Variants in SMARCC1 observed in about 807,000 individuals in gnomAD.
SMARCC1 encodes the protein SWI/SNF complex subunit SMARCC1.
Under a neutral mutation model 147.4 loss-of-function variants are expected in SMARCC1, and 43 were observed. The observed-to-expected ratio is 0.29, with a 90% CI of 0.23 to 0.38. The LOEUF (loss-of-function observed/expected upper bound fraction) is 0.38, where lower values mean the gene tolerates loss of function less well. SMARCC1 is among the 10% of genes least tolerant of loss of function. The pLI, the probability that SMARCC1 is intolerant of heterozygous loss-of-function variation, is 1.00. For missense variants in SMARCC1, 1,119 were observed against 1,381.1 expected (o/e 0.81, Z 3.01); for synonymous variants, 495 against 484.4 (o/e 1.02, Z -0.29).
chr3:47,614,856 G>A (rs1405411705), intron 25 of SMARCC1, among the ~76,000 whole-genome samples: 1 of 152,144 alleles, frequency 6.6e-6, no homozygotes, highest in Non-Finnish European at 1.5e-5. Flanking sequence ...AAGCAAAAAG[G>A]CCTCTGGACT....
chr3:47,694,169 T>G (rs375287769), intron 11 of SMARCC1, among the ~76,000 whole-genome samples: 2 of 152,238 alleles, frequency 1.3e-5, no homozygotes, highest in East Asian at 1.9e-4. Context: ...CCTACACTGA[T>G]GGAAACCATG....
At position 47,696,196 on chromosome 3, in the gene SMARCC1, C is replaced by A. The variant is rs565312292; in HGVS notation, c.1166-2896G>T. ...GACCAGCCTGGCCAATATGGCAAAA[C>A]CCCATCTCTACTAAAAATACAAAAA... On this transcript the variant is annotated intron_variant, in intron 11 of 27. Transcript: ENST00000254480. 5.3e-5 allele frequency among the ~76,000 whole-genome samples: 8 copies of A among 151,596 alleles called. No individual in the cohort carries two copies. The South Asian group carries it at 1.7e-3, about 32-fold the overall frequency.
At chr3:47,758,726 T>G (rs13319205) in intron 2 of SMARCC1, among the ~76,000 whole-genome samples, 1 of 151,896 alleles carries the variant, frequency 6.6e-6, no homozygotes, top group African/African-American at 2.4e-5. Context: ...TTAATTAATT[T>G]ATTTATTTAT....
chr3:47,737,426 T>C (rs1233433995), intron 4 of SMARCC1, among the ~76,000 whole-genome samples: 1 of 151,672 alleles, frequency 6.6e-6, no homozygotes, highest in African/African-American at 2.4e-5. Flanking sequence ...AATAATAAAA[T>C]AAAGACAACT....
intron 5 of SMARCC1, among the ~76,000 whole-genome samples, chr3:47,734,764 G>A (rs2034420107): frequency 6.6e-6 from 1 of 152,114 alleles, no homozygotes; most frequent in African/African-American, 2.4e-5. Flanking sequence ...GCAAGCTTGA[G>A]GGGGCAGAAT....
intron 19 of SMARCC1, chr3:47,664,042 C>G (rs1025072715): frequency 1.7e-6 from 1 of 597,250 alleles, no homozygotes; most frequent in Non-Finnish European, 2.8e-6. Context: ...GAGGCCCATG[C>G]GTCGTTGGGG....
chr3:47,677,393 G>A (rs1456591765), intron 16 of SMARCC1, among the ~76,000 whole-genome samples: 3 of 137,234 alleles, frequency 2.2e-5, no homozygotes, highest in Admixed American at 7.8e-5. Flanking sequence ...GAGCCACCAT[G>A]CCTGGCCGTT....
At chr3:47,738,176 T>C in intron 3 of SMARCC1, 66 bp from the exon 4 acceptor site, 1 of 1,018,264 alleles carries the variant, frequency 9.8e-7, no homozygotes, top group Admixed American at 2.8e-5. Flanking sequence ...AACTTGGTTT[T>C]AGAATTCGAT....
intron 11 of SMARCC1, among the ~76,000 whole-genome samples, chr3:47,696,961 C>A (rs937489288): frequency 3.9e-5 from 6 of 152,152 alleles, no homozygotes; most frequent in Non-Finnish European, 5.9e-5. Flanking sequence ...CCTTGGTTTC[C>A]AGCAATCCTC....
intron 21 of SMARCC1, among the ~76,000 whole-genome samples, chr3:47,647,727 C>T (rs1245588962): frequency 2.0e-5 from 3 of 152,304 alleles, no homozygotes; most frequent in Admixed American, 6.5e-5. Flanking sequence ...AGACTAATCA[C>T]GTCATTCCCT....
chr3:47,718,337 C>T (rs1317250658), intron 7 of SMARCC1, among the ~76,000 whole-genome samples: 1 of 151,612 alleles, frequency 6.6e-6, no homozygotes, highest in African/African-American at 2.4e-5. Context: ...CCCAGCTACT[C>T]AGGAGGCTAA....
At chr3:47,684,906 C>T (rs1187983123) in intron 14 of SMARCC1, among the ~76,000 whole-genome samples, 1 of 152,042 alleles carries the variant, frequency 6.6e-6, no homozygotes, top group Non-Finnish European at 1.5e-5. Flanking sequence ...AAATTAGACA[C>T]AGGACTAGAT....
At chr3:47,753,917 C>T (rs1468821466) in intron 2 of SMARCC1, among the ~76,000 whole-genome samples, 3 of 152,080 alleles carry the variant, frequency 2.0e-5, no homozygotes. Flanking sequence ...GTCATCCTCA[C>T]ACCTTGAAAA....
In SMARCC1 at chr3:47,662,336, A is replaced by G; in HGVS notation, c.2156T>C (p.Leu719Ser). ...AGATGGTTTAGGGAAGTCCATACCC[A>G]AAGCCGCTTTTGCTGCAGCAGATGC... is the stretch of plus-strand genomic sequence containing the variant. ...RVASAAAKAA[L>S]EEFSRVREEV... The change falls in exon 20 of 28, where the codon TTG (leucine) becomes TCG (serine). Residue 719 changes from leucine to serine, a missense_variant and splice_region_variant. By Grantham distance (145) the Leu-to-Ser change is moderately radical. Coordinates refer to ENST00000254480, the MANE Select transcript of SMARCC1 (RefSeq NM_003074.4). 6.2e-7 allele frequency: 1 copy of G among 1,613,904 alleles called. No homozygotes were observed. The highest frequency in any genetic ancestry group is 2.2e-5 in the East Asian group (1 of 44,886).
chr3:47,609,616 A>G (rs1009372143), intron 26 of SMARCC1, among the ~76,000 whole-genome samples: 1 of 152,226 alleles, frequency 6.6e-6, no homozygotes, highest in Non-Finnish European at 1.5e-5. Flanking sequence ...AAGCTGTCCA[A>G]TAGGTACATG....
At chr3:47,657,528 T>C (rs1363353829) in intron 21 of SMARCC1, among the ~76,000 whole-genome samples, 1 of 152,180 alleles carries the variant, frequency 6.6e-6, no homozygotes, top group East Asian at 1.9e-4. Context: ...CTGGGCTCAG[T>C]GGCTCACGCC....
At chr3:47,633,591 A>G (rs1328041677) in intron 24 of SMARCC1, among the ~76,000 whole-genome samples, 1 of 151,308 alleles carries the variant, frequency 6.6e-6, no homozygotes, top group African/African-American at 2.4e-5. Flanking sequence ...TAAAAATACA[A>G]AAGTTAGCCG....
chr3:47,701,999 A>G (rs911901944), intron 10 of SMARCC1, among the ~76,000 whole-genome samples: 1 of 152,134 alleles, frequency 6.6e-6, no homozygotes, highest in African/African-American at 2.4e-5. Context: ...GTAATAAAAT[A>G]ACAACTGCTA....
intron 13 of SMARCC1, among the ~76,000 whole-genome samples, chr3:47,686,746 A>T (rs1354708445): frequency 1.3e-5 from 2 of 152,158 alleles, no homozygotes; most frequent in Non-Finnish European, 2.9e-5. Context: ...AACACTTGGG[A>T]GGCTGAGGCA....
Sources: allele counts gnomAD v4.1 joint callset (sites outside exome capture counted in the v4.1 genomes callset), GRCh38; gene constraint gnomAD v4.1.1; transcripts MANE v1.5; gene names NCBI Gene and HGNC (gene_info 2026-07-23, HGNC 2026-07-21).